The following ZNF705G variants were observed in gnomAD, a reference collection of about 807,000 sequenced individuals.
ZNF705G encodes zinc finger protein 705G.
Under a neutral mutation model 19.6 loss-of-function variants are expected in ZNF705G, and 23 were observed. The ratio of observed to expected loss-of-function variants is 1.17; its 90% CI spans 0.84 to 1.66. The LOEUF is 1.66. Among genes scored for constraint, ZNF705G ranks in the 40% most tolerant of loss-of-function variants. The pLI is 0.00. For missense variants in ZNF705G, 457 were observed against 354.4 expected (o/e 1.29, Z -2.32); for synonymous variants, 146 against 117.7 (o/e 1.24, Z -1.56).
Position 7,368,228 on chromosome 8 carries a change from C to A in ZNF705G, c.-71-5211G>T, listed in dbSNP as rs562912966. On this transcript the variant is annotated intron_variant, in intron 2 of 6. Transcript: ENST00000400156. The stretch of plus-strand genomic sequence containing the variant: ...CAATCTGATTGGATTTTTGAGACTA[C>A]TACTAAAAACCCTCACATAAAGTTG... Among the ~76,000 whole-genome samples, 2 of 149,730 alleles carry A rather than the reference C, an allele frequency of 1.3e-5. 1 individual carries two copies. The highest frequency in any genetic ancestry group is 5.1e-5 in the African/African-American group (2 of 39,148).
chr8:7,383,189 T>C (rs1040427681), intron 1 of ZNF705G, among the ~76,000 whole-genome samples: 3 of 148,102 alleles, frequency 2.0e-5, no homozygotes, highest in Non-Finnish European at 2.9e-5. Flanking sequence ...GCTCTTACCA[T>C]GTCAAACTTC....
At chr8:7,383,116 CA>C (rs1230174153) in intron 1 of ZNF705G, among the ~76,000 whole-genome samples, 1 of 135,194 alleles carries the variant, frequency 7.4e-6, no homozygotes, top group Non-Finnish European at 1.5e-5. Flanking sequence ...TGGTTGAGTT[CA>C]ATGTTTGATT....
Position 7,378,810 on chromosome 8 carries a change from T to C in ZNF705G, c.-72+2642A>G, listed in dbSNP as rs562647819. Among the ~76,000 whole-genome samples the C allele has an allele frequency of 3.4e-5, 5 of 146,724 alleles. No individual in the cohort carries two copies. The East Asian group carries it at 9.7e-4, about 28-fold the overall frequency. On this transcript the variant is annotated intron_variant, in intron 2 of 6. Transcript: ENST00000400156. ...CCCACCTGGATAATCTAAGATAATC[T>C]CCCTATTTTAAGGTCAGGTGATTAA...
Position 7,363,190 on chromosome 8 carries a change from G to A in ZNF705G, c.-71-173C>T, listed in dbSNP as rs1329471333. ...CTTTTCCCGTGGTCAAAATTAAGAA[G>A]CCTATGACTATGGTTGCTAATAAAG... On this transcript the variant is annotated intron_variant, in intron 2 of 6. Transcript: ENST00000400156. Among the ~76,000 whole-genome samples the A allele has an allele frequency of 1.8e-4, 27 of 149,160 alleles. 4 individuals carry two copies. Among genetic ancestry groups the A allele is most frequent in the African/African-American group, 7.0e-4 (27 of 38,564 alleles).
intron 2 of ZNF705G, among the ~76,000 whole-genome samples, chr8:7,366,160 T>C (rs568805671): frequency 3.5e-5 from 5 of 143,978 alleles, no homozygotes; most frequent in African/African-American, 1.4e-4. Context: ...AAATGGAAAA[T>C]CCTATTATCT....
Position 7,361,225 on chromosome 8 carries a change from A to C in ZNF705G, c.24T>G (p.Thr8=). 6.3e-7 allele frequency: 1 copy of C among 1,592,552 alleles called. No individual in the cohort carries two copies. Residue 8 remains threonine (T), a synonymous_variant, in exon 4 of 7, where the codon ACT becomes ACG. Coordinates refer to ENST00000400156, the MANE Select transcript of ZNF705G (RefSeq NM_001164457.3). ...TGAAGTCAATAGCTACATCTTCAAA[A>C]GTCAGTTTCTTCTAAAACATCACAG... MHSLKKL[T]FEDVAIDFTQ... is the part of the protein sequence containing the mutation.
In ZNF705G at chr8:7,359,730, A is replaced by G. The variant is rs759649058; in HGVS notation, c.236-29T>C. 17 of 1,605,740 alleles carry G rather than the reference A, an allele frequency of 1.1e-5. No homozygotes were observed. The Admixed American group carries it at 1.2e-4, about 11-fold the overall frequency. On this transcript the variant is annotated intron_variant, in intron 5 of 6. Coordinates refer to ENST00000400156, the MANE Select transcript of ZNF705G (RefSeq NM_001164457.3). Reference sequence around the variant, plus strand: ...AAATAATTGAAAAATAAATTGTTACATTGGTATTATGGTAATAAAATTGTT... The same window carrying G: ...AAATAATTGAAAAATAAATTGTTACGTTGGTATTATGGTAATAAAATTGTT...
intron 2 of ZNF705G, among the ~76,000 whole-genome samples, chr8:7,369,766 T>C: frequency 6.7e-6 from 1 of 149,296 alleles, no homozygotes; most frequent in African/African-American, 2.6e-5. Context: ...TGGAGGCCAT[T>C]ATTCTAAAAT....
At chr8:7,370,233 T>C (rs1807040864) in intron 2 of ZNF705G, among the ~76,000 whole-genome samples, 1 of 146,258 alleles carries the variant, frequency 6.8e-6, no homozygotes, top group Non-Finnish European at 1.5e-5. Flanking sequence ...ATCACGCCAC[T>C]GCACTCCAGC....
intron 2 of ZNF705G, among the ~76,000 whole-genome samples, chr8:7,365,983 C>T (rs1385325412): frequency 1.3e-5 from 2 of 149,540 alleles, no homozygotes; most frequent in African/African-American, 5.1e-5. Context: ...TCTCTCACTT[C>T]TCAACACCAG....
chr8:7,371,479 C>A (rs1436884091), intron 2 of ZNF705G, among the ~76,000 whole-genome samples: 1 of 90,466 alleles, frequency 1.1e-5, no homozygotes, highest in African/African-American at 4.9e-5. Context: ...ATATTTCTTA[C>A]CAAAAAAATA....
intron 2 of ZNF705G, among the ~76,000 whole-genome samples, chr8:7,380,830 A>T (rs2128847947): frequency 6.9e-6 from 1 of 144,062 alleles, no homozygotes; most frequent in East Asian, 2.0e-4. Context: ...GACCAGCCTG[A>T]CCAACATGGA....
Position 7,370,282 on chromosome 8 carries a change from AAT to A in ZNF705G, c.-71-7267_-71-7266del, listed in dbSNP as rs1453172831. Among the ~76,000 whole-genome samples the A allele has an allele frequency of 3.6e-3, 532 of 147,444 alleles. 12 individuals are homozygous for A. Among genetic ancestry groups the A allele is most frequent in the Non-Finnish European group, 4.8e-3 (325 of 67,862 alleles). Reference sequence around the variant, plus strand: ...CGAGACTCCATCTCAAAAAAAAAAAAATATGCAAAGATCTGAGTAGACATTTC... The same window carrying A: ...CGAGACTCCATCTCAAAAAAAAAAAAATGCAAAGATCTGAGTAGACATTTC... On this transcript the variant is annotated intron_variant, in intron 2 of 6. Transcript: ENST00000400156.
At chr8:7,371,153 T>C (rs1255727450) in intron 2 of ZNF705G, among the ~76,000 whole-genome samples, 1 of 140,438 alleles carries the variant, frequency 7.1e-6, no homozygotes, top group Admixed American at 7.2e-5. Flanking sequence ...CGAAACCCTG[T>C]CATTTGTGAC....
intron 2 of ZNF705G, among the ~76,000 whole-genome samples, chr8:7,376,895 GTA>G (rs1554527671): frequency 6.7e-6 from 1 of 149,008 alleles, no homozygotes; most frequent in East Asian, 2.0e-4. Context: ...GTGTGTGTGT[GTA>G]GGAATAAAAA....
At chr8:7,364,673 ATTTT>A (rs1806778173) in intron 2 of ZNF705G, among the ~76,000 whole-genome samples, 3 of 149,618 alleles carry the variant, frequency 2.0e-5, no homozygotes, top group Non-Finnish European at 4.4e-5. Context: ...CATTGTGTCT[ATTTT>A]TACTGCCACA....
chr8:7,379,071 T>C (rs1489790073), intron 2 of ZNF705G, among the ~76,000 whole-genome samples: 172 of 150,628 alleles, frequency 1.1e-3, no homozygotes, highest in African/African-American at 4.2e-3. Flanking sequence ...TTGTGTAAAG[T>C]AGTGGGGGGC....
At chr8:7,380,533 C>T (rs73661357) in intron 2 of ZNF705G, among the ~76,000 whole-genome samples, 1 of 147,132 alleles carries the variant, frequency 6.8e-6, no homozygotes, top group Non-Finnish European at 1.5e-5. Context: ...ACAGCTGTCA[C>T]CAGTGCCCAC....
In ZNF705G at chr8:7,369,963, T is replaced by C. The variant is rs1431573400; in HGVS notation, c.-71-6946A>G. ...TATGTTTTCTATCTGGGTTACAAGATCATTCATACTCCTCAGCATCACACA... is the reference window on the plus strand; with the variant it reads ...TATGTTTTCTATCTGGGTTACAAGACCATTCATACTCCTCAGCATCACACA... On this transcript the variant is annotated intron_variant, in intron 2 of 6. Transcript: ENST00000400156. Among the ~76,000 whole-genome samples, 5 of 149,152 alleles carry C rather than the reference T, an allele frequency of 3.4e-5. No individual in the cohort carries two copies. In the East Asian group the frequency reaches 9.6e-4, roughly 29 times the overall value.
Sources: allele counts gnomAD v4.1 joint callset (sites outside exome capture counted in the v4.1 genomes callset), GRCh38; gene constraint gnomAD v4.1.1; transcripts MANE v1.5; gene names NCBI Gene and HGNC (gene_info 2026-07-23, HGNC 2026-07-21).